Variants in SRPK2 observed in about 807,000 individuals in gnomAD.
The protein encoded by SRPK2 is SFRS protein kinase 2.
A neutral mutation model predicts 90.8 loss-of-function variants in SRPK2; 21 were observed. The ratio of observed to expected loss-of-function variants is 0.23; its 90% confidence interval spans 0.16 to 0.33. The LOEUF is 0.33. SRPK2 is among the 10% of genes least tolerant of loss of function. SRPK2 has a pLI of 1.00. For synonymous variants in SRPK2, 288 were observed against 311.1 expected, an observed-to-expected ratio of 0.93 and a Z score of 0.78; for missense variants, 620 against 869.0, an observed-to-expected ratio of 0.71 and a Z score of 3.60.
intron 2 of SRPK2, among the ~76,000 whole-genome samples, chr7:105,381,079 A>G (rs1460654053): frequency 1.3e-5 from 2 of 151,828 alleles, no homozygotes; most frequent in Admixed American, 1.3e-4. Flanking sequence ...AGGCTCTACT[A>G]AAAATACAAA....
At chr7:105,392,205 G>A (rs991134121), upstream of SRPK2, among the ~76,000 whole-genome samples, 3 of 152,310 alleles carry the variant, frequency 2.0e-5, no homozygotes, top group East Asian at 3.8e-4. Context: ...GTGGGAGAAG[G>A]AGGGAGCAAC....
chr7:105,391,291 T>C (rs1302270911), upstream of SRPK2, among the ~76,000 whole-genome samples: 1 of 152,088 alleles, frequency 6.6e-6, no homozygotes. Flanking sequence ...TCGCAACCTC[T>C]GCCTCCCAGG....
rs1273848332 is a variant in SRPK2 at position 105,167,417 on chromosome 7, C to T, written c.474G>A (p.Gln158=). 6.2e-7 allele frequency: 1 copy of T among 1,613,668 alleles called. No individual in the cohort carries two copies. Among genetic ancestry groups the T allele is most frequent in the East Asian group, 2.2e-5 (1 of 44,886 alleles). The part of the protein sequence containing the change: ...PSDPNKDMVV[Q]LIDDFKISGM... ...CTGAAATCTTGAAGTCGTCAATGAG[C>T]TGGACCACCATGTCTTTGTTTGGGT... Residue 158 remains glutamine (Q), a synonymous_variant, in exon 6 of 16, where the codon CAG becomes CAA. Transcript: ENST00000393651.
intron 2 of SRPK2, among the ~76,000 whole-genome samples, chr7:105,345,816 A>C (rs1285847028): frequency 1.3e-5 from 2 of 152,198 alleles, no homozygotes; most frequent in East Asian, 3.9e-4. Flanking sequence ...GTAGCTATTT[A>C]AATTTAAATT....
intron 2 of SRPK2, among the ~76,000 whole-genome samples, chr7:105,250,200 A>G (rs2299325): frequency 0.43 from 27,744 of 64,182 alleles, 3,205 homozygotes; most frequent in East Asian, 0.69. Flanking sequence ...ACATGGTGGC[A>G]GGCACCTGTA....
chr7:105,126,098 C>T, intron 15 of SRPK2, 150 bp downstream of exon 15: 1 of 732,850 alleles, frequency 1.4e-6, no homozygotes, highest in South Asian at 1.7e-5. Flanking sequence ...ATGTGGTCTT[C>T]CCTGACAATT....
chr7:105,289,497 G>A (rs897634404), intron 2 of SRPK2, among the ~76,000 whole-genome samples: 8 of 152,028 alleles, frequency 5.3e-5, no homozygotes, highest in Non-Finnish European at 7.4e-5. Context: ...TTAAGTGTGC[G>A]GCAGCACTCT....
rs141672513 is a variant in SRPK2 at position 105,219,571 on chromosome 7, T to C, written c.72-15786A>G. On this transcript the variant is annotated intron_variant, in intron 2 of 15. Transcript: ENST00000393651. ...TAGAAGCCACTCCCTGTTTACTAAG[T>C]ATGACGTTAGCTATGTGCCTAAGAA... Among the ~76,000 whole-genome samples, 470 of 152,364 alleles carry C rather than the reference T, an allele frequency of 3.1e-3. 1 individual carries two copies. Among genetic ancestry groups the C allele is most frequent in the African/African-American group, 0.011 (439 of 41,582 alleles).
chr7:105,365,552 C>T (rs1176321929), intron 2 of SRPK2, among the ~76,000 whole-genome samples: 1 of 148,364 alleles, frequency 6.7e-6, no homozygotes, highest in African/African-American at 2.5e-5. Context: ...ATGGCTCTCA[C>T]ATCTGTAATC....
chr7:105,119,501 A>G (rs1235192602), intron 15 of SRPK2, among the ~76,000 whole-genome samples: 1 of 152,174 alleles, frequency 6.6e-6, no homozygotes, highest in Non-Finnish European at 1.5e-5. Context: ...GGTTCCGTAT[A>G]AAGAATCTTT....
intron 2 of SRPK2, among the ~76,000 whole-genome samples, chr7:105,383,215 C>A (rs1389852807): frequency 1.3e-5 from 2 of 150,914 alleles, no homozygotes; most frequent in Non-Finnish European, 2.9e-5. Flanking sequence ...TAGGTGCCCG[C>A]CACCATGCCC....
chr7:105,247,969 C>T (rs1158414012), intron 2 of SRPK2, among the ~76,000 whole-genome samples: 2 of 151,908 alleles, frequency 1.3e-5, no homozygotes, highest in African/African-American at 4.8e-5. Context: ...AATCTCCTGC[C>T]TCAGCCTCTC....
chr7:105,167,902 T>C, intron 5 of SRPK2, 106 bp downstream of exon 5: 2 of 946,242 alleles, frequency 2.1e-6, no homozygotes, highest in Middle Eastern at 3.2e-4. Context: ...TGAGCCACCG[T>C]GCCCAGCCAA....
intron 3 of SRPK2, among the ~76,000 whole-genome samples, chr7:105,187,637 T>A (rs534038562): frequency 6.6e-6 from 1 of 152,206 alleles, no homozygotes; most frequent in Non-Finnish European, 1.5e-5. Flanking sequence ...TCAGACCATA[T>A]AGCCTTGGAA....
chr7:105,359,307 T>C (rs1002083780), intron 2 of SRPK2, among the ~76,000 whole-genome samples: 4 of 151,926 alleles, frequency 2.6e-5, no homozygotes, highest in Admixed American at 6.6e-5. Flanking sequence ...TGCAAGCGCA[T>C]GCCACCATGT....
At chr7:105,269,135 G>C (rs1805492780) in intron 2 of SRPK2, 2 of 1,056,976 alleles carry the variant, frequency 1.9e-6, no homozygotes, top group Non-Finnish European at 2.3e-6. Context: ...TTTTAAGGTA[G>C]AACTAGCATG....
At chr7:105,145,208 T>A (rs774250684) in intron 9 of SRPK2, 75 bp downstream of exon 9, 56 of 1,230,702 alleles carry the variant, frequency 4.6e-5, no homozygotes, top group Non-Finnish European at 6.0e-5. Flanking sequence ...ACAACTTTTT[T>A]ATAATTTGAA....
rs34445430 is a variant in SRPK2 at position 105,375,983 on chromosome 7, C to CTTTTTTTTTTT, written c.71+12654_71+12664dup. Reference sequence around the variant, plus strand: ...TGGGCAACGTAATGAGAATTCATTTCTTTTTTTTTTTTTTTTTTTTTTTTT... The same window carrying CTTTTTTTTTTT: ...TGGGCAACGTAATGAGAATTCATTTCTTTTTTTTTTTTTTTTTTTTTTTTTTTTTTTTTTTT... On this transcript the variant is annotated intron_variant, in intron 2 of 15. Transcript: ENST00000393651. 9.5e-5 allele frequency among the ~76,000 whole-genome samples: 6 copies of CTTTTTTTTTTT among 63,176 alleles called. 2 individuals are homozygous for CTTTTTTTTTTT. Among genetic ancestry groups the CTTTTTTTTTTT allele is most frequent in the African/African-American group, 1.3e-4 (2 of 14,962 alleles). The allele number at this position is 63,176 out of a possible 152,430, so 41.4% of individuals were successfully genotyped here.
At chr7:105,258,154 C>T (rs1410610382) in intron 2 of SRPK2, among the ~76,000 whole-genome samples, 1 of 151,236 alleles carries the variant, frequency 6.6e-6, no homozygotes, top group East Asian at 1.9e-4. Flanking sequence ...TGCGGTGGAT[C>T]ACGCCTGTAA....
Sources: gnomAD v4.1 joint callset for allele counts (sites outside exome capture counted in the v4.1 genomes callset) on GRCh38, gnomAD v4.1.1 for gene constraint, MANE v1.5 for transcripts, NCBI Gene and HGNC (gene_info 2026-07-23, HGNC 2026-07-21) for gene names.